VEZT: variants seen among roughly 807,000 people sequenced by gnomAD.
VEZT encodes the protein vezatin.
Under a neutral mutation model 79.9 loss-of-function variants are expected in VEZT, and 39 were observed. The observed-to-expected ratio is 0.49, with a 90% CI of 0.38 to 0.64. VEZT has a LOEUF of 0.64. Among genes scored for constraint, VEZT ranks in the 30% least tolerant of loss-of-function variants. VEZT has a pLI of 0.00. For missense variants in VEZT, 837 were observed against 893.1 expected, an observed-to-expected ratio of 0.94 and a Z score of 0.80; for synonymous variants, 325 against 327.6, an observed-to-expected ratio of 0.99 and a Z score of 0.09.
At chr12:95,294,951 C>T (rs2073819756) in intron 10 of VEZT, among the ~76,000 whole-genome samples, 1 of 152,098 alleles carries the variant, frequency 6.6e-6, no homozygotes, top group Non-Finnish European at 1.5e-5. Flanking sequence ...CAGAATATTT[C>T]AGAGAGCTAG....
At chr12:95,257,287 G>A in intron 3 of VEZT, 48 bp downstream of exon 3, 1 of 1,383,218 alleles carries the variant, frequency 7.2e-7, no homozygotes, top group South Asian at 1.3e-5. Flanking sequence ...TAGGTTATTA[G>A]TGAAATAATT....
At chr12:95,226,756 A>C (rs2058549607) in intron 1 of VEZT, among the ~76,000 whole-genome samples, 1 of 152,218 alleles carries the variant, frequency 6.6e-6, no homozygotes, top group South Asian at 2.1e-4. Context: ...GGAGGAAAGA[A>C]AGAGTGAAGT....
chr12:95,300,307 A>G lies in VEZT; in HGVS notation c.1974A>G (p.Ile658Met), dbSNP rs748089382. ...AATCCGCCACAACAGACAATGAAAT[A>G]AGTAGGACTGAGTATTTATGTGAAA... ...SNKSATTDNE[I>M]SRTEYLCENS... The change falls in exon 12 of 12, where the codon ATA becomes ATG. Residue 658 changes from isoleucine to methionine, a missense_variant. Transcript: ENST00000436874. 1.9e-6 allele frequency: 3 copies of G among 1,609,602 alleles called. No individual in the cohort carries two copies. In the South Asian group the frequency reaches 3.3e-5, roughly 18 times the overall value.
Position 95,230,049 on chromosome 12 carries a change from G to A in VEZT, c.36+12163G>A, listed in dbSNP as rs187974685. On this transcript the variant is annotated intron_variant, in intron 1 of 11. Coordinates refer to ENST00000436874, the MANE Select transcript of VEZT (RefSeq NM_017599.4). ...GAACCCAGGAGATGGAGGTTGCAGC[G>A]AGCTGAGATCACACCACTGCACTCC... 8.6e-4 allele frequency among the ~76,000 whole-genome samples: 126 copies of A among 147,068 alleles called. 1 individual carries two copies. Among genetic ancestry groups the A allele is most frequent in the East Asian group, 4.0e-4 (2 of 4,964 alleles).
intron 1 of VEZT, among the ~76,000 whole-genome samples, chr12:95,235,651 GGCTGGCC>G (rs2060004691): frequency 7.1e-6 from 1 of 141,682 alleles, no homozygotes; most frequent in African/African-American, 2.7e-5. Flanking sequence ...CGGATGGGGC[GGCTGGCC>G]GGGCGGGGGG....
Position 95,296,093 on chromosome 12 carries a change from T to C in VEZT, c.1666T>C (p.Phe556Leu), listed in dbSNP as rs1267654295. The C allele has an allele frequency of 6.4e-7, 1 of 1,558,464 alleles. No individual in the cohort carries two copies. The highest frequency in any genetic ancestry group is 8.7e-7 in the Non-Finnish European group (1 of 1,149,874). Residue 556 changes from phenylalanine (F) to leucine (L), a missense_variant, in exon 11 of 12, where the codon TTC (phenylalanine) becomes CTC (leucine). Phe to Leu is a conservative substitution (Grantham distance 22). Transcript: ENST00000436874. ...YVDDIDIDSD[F>L]RKDDFYYLSQ... Reference sequence around the variant, plus strand: ...AGATGATATAGATATTGATAGTGATTTCAGAAAGGATGATTTTTATTACTT... The same window carrying C: ...AGATGATATAGATATTGATAGTGATCTCAGAAAGGATGATTTTTATTACTT...
chr12:95,220,050 C>T (rs866954928), intron 1 of VEZT, among the ~76,000 whole-genome samples: 3 of 152,146 alleles, frequency 2.0e-5, no homozygotes, highest in Admixed American at 6.5e-5. Context: ...CTTTGATATA[C>T]ACAATTTTTA....
At chr12:95,236,289 G>A (rs947829104) in intron 1 of VEZT, among the ~76,000 whole-genome samples, 5 of 152,182 alleles carry the variant, frequency 3.3e-5, no homozygotes, top group Admixed American at 6.5e-5. Context: ...CAGGCGTGGC[G>A]GCGCGCGCCT....
At chr12:95,235,641 CGG>C (rs2060000460) in intron 1 of VEZT, among the ~76,000 whole-genome samples, 2 of 143,308 alleles carry the variant, frequency 1.4e-5, no homozygotes, top group Non-Finnish European at 3.1e-5. Flanking sequence ...CCTCACCTCC[CGG>C]ATGGGGCGGC....
chr12:95,248,908 C>T (rs978641428), intron 1 of VEZT, among the ~76,000 whole-genome samples: 4 of 151,622 alleles, frequency 2.6e-5, no homozygotes, highest in African/African-American at 7.3e-5. Context: ...GTTTTTGGGC[C>T]GGATTTGCCA....
intron 9 of VEZT, among the ~76,000 whole-genome samples, chr12:95,292,513 C>T (rs1263618945): frequency 6.7e-6 from 1 of 149,728 alleles, no homozygotes; most frequent in Admixed American, 6.6e-5. Flanking sequence ...CAAGATAGTA[C>T]TATTATTTTC....
At chr12:95,268,497 C>CA (rs2065971664) in intron 5 of VEZT, among the ~76,000 whole-genome samples, 2 of 151,156 alleles carry the variant, frequency 1.3e-5, no homozygotes, top group Admixed American at 1.3e-4. Flanking sequence ...GACTCCGTTT[C>CA]AAAAACAAAA....
At chr12:95,265,751 G>T (rs1412751748) in intron 4 of VEZT, among the ~76,000 whole-genome samples, 2 of 152,044 alleles carry the variant, frequency 1.3e-5, no homozygotes, top group African/African-American at 4.8e-5. Flanking sequence ...CTTCACAGAA[G>T]ACTTGGTGTC....
intron 2 of VEZT, among the ~76,000 whole-genome samples, chr12:95,253,036 A>G (rs1378468308): frequency 6.6e-6 from 1 of 152,210 alleles, no homozygotes; most frequent in Non-Finnish European, 1.5e-5. Context: ...ATAAATTATC[A>G]TAGGTTACTT....
intron 7 of VEZT, 106 bp from the exon 8 acceptor site, chr12:95,282,206 TA>T: frequency 1.0e-6 from 1 of 1,004,018 alleles, no homozygotes. Context: ...TTATTTAGGA[TA>T]AAGTGCAAAA....
chr12:95,297,500 C>G (rs2074415740), intron 11 of VEZT, among the ~76,000 whole-genome samples: 1 of 151,968 alleles, frequency 6.6e-6, no homozygotes, highest in South Asian at 2.1e-4. Context: ...CTTTATAGCC[C>G]AGGTCCTCAG....
chr12:95,302,446 A>G lies in VEZT; in HGVS notation c.*1773A>G, dbSNP rs1240331771. On this transcript the variant is annotated 3_prime_UTR_variant, in exon 12 of 12. Transcript: ENST00000436874. ...TTCAGTCTGATCTATTTAATTCACTACTTGTTACATAATCCAGTGAAAACT... is the reference window on the plus strand; with the variant it reads ...TTCAGTCTGATCTATTTAATTCACTGCTTGTTACATAATCCAGTGAAAACT... 1 of 152,180 alleles carries G rather than the reference A, an allele frequency of 6.6e-6. No individual in the cohort carries two copies. Among genetic ancestry groups the G allele is most frequent in the Non-Finnish European group, 1.5e-5 (1 of 68,020 alleles). 9.4% of individuals were successfully genotyped at this position (152,180 alleles called of 1,614,324 possible).
At chr12:95,245,616 A>T in intron 1 of VEZT, 1 of 455,876 alleles carries the variant, frequency 2.2e-6, no homozygotes, top group Non-Finnish European at 4.4e-6. Flanking sequence ...TCTCTGGCCC[A>T]AGACCTGAAA....
chr12:95,236,023 C>T (rs1289385669), intron 1 of VEZT, among the ~76,000 whole-genome samples: 2 of 151,934 alleles, frequency 1.3e-5, no homozygotes, highest in African/African-American at 2.4e-5. Flanking sequence ...GACGGGGTGG[C>T]GGCTGGGCAG....
Sources: allele counts gnomAD v4.1 joint callset (sites outside exome capture counted in the v4.1 genomes callset), GRCh38; gene constraint gnomAD v4.1.1; transcripts MANE v1.5; gene names NCBI Gene and HGNC (gene_info 2026-07-23, HGNC 2026-07-21).